C3orf70: variants seen among roughly 807,000 people sequenced by gnomAD.
C3orf70 encodes chromosome 3 open reading frame 70.
A neutral mutation model predicts 20.7 loss-of-function variants in C3orf70; 15 were observed. That is an observed-to-expected ratio of 0.72 (90% CI 0.48 to 1.11). C3orf70 has a LOEUF of 1.11. Ranked by LOEUF, C3orf70 falls within the 50% of genes most tolerant of loss-of-function variation. The pLI, the probability that C3orf70 is intolerant of heterozygous loss-of-function variation, is 0.00. For synonymous variants in C3orf70, 161 were observed against 125.7 expected, an observed-to-expected ratio of 1.28 and a Z score of -1.88; for missense variants, 332 against 317.6, an observed-to-expected ratio of 1.05 and a Z score of -0.34.
intron 1 of C3orf70, among the ~76,000 whole-genome samples, chr3:185,126,190 A>G (rs951606071): frequency 2.0e-5 from 3 of 152,234 alleles, no homozygotes; most frequent in African/African-American, 7.2e-5. Flanking sequence ...TTTTTTATAT[A>G]TAATTTCAAG....
Position 185,152,926 on chromosome 3 carries a change from G to C in C3orf70, c.-103C>G, listed in dbSNP as rs1232728306. On this transcript the variant is annotated 5_prime_UTR_variant, in exon 1 of 2. Transcript: ENST00000335012. ...TGCGGACGCGGGAGGGCGCGGCACG[G>C]GCCGGGAGTCACGCCAGCACGCGGC... The C allele has an allele frequency of 1.8e-6, 2 of 1,107,246 alleles. No homozygotes were observed. The highest frequency in any genetic ancestry group is 1.7e-5 in the African/African-American group (1 of 60,286). 68.6% of individuals were successfully genotyped at this position (1,107,246 alleles called of 1,614,324 possible).
At chr3:185,108,467 T>A (rs1013150191) in intron 1 of C3orf70, among the ~76,000 whole-genome samples, 2 of 152,236 alleles carry the variant, frequency 1.3e-5, no homozygotes, top group Non-Finnish European at 2.9e-5. Flanking sequence ...GATGACTTTA[T>A]TTACCCAATT....
intron 1 of C3orf70, among the ~76,000 whole-genome samples, chr3:185,100,918 C>A (rs1224649079): frequency 5.3e-5 from 8 of 152,064 alleles, no homozygotes; most frequent in Admixed American, 3.9e-4. Flanking sequence ...CCTCTACACA[C>A]ATAAACTAGA....
Position 185,152,959 on chromosome 3 carries a change from G to GAGA in C3orf70, c.-137_-136insTCT. The GAGA allele has an allele frequency of 1.4e-6, 1 of 726,024 alleles. No homozygotes were observed. The highest frequency in any genetic ancestry group is 5.6e-5 in the South Asian group (1 of 17,856). 45.0% of individuals were successfully genotyped at this position (726,024 alleles called of 1,614,324 possible). On this transcript the variant is annotated 5_prime_UTR_variant, in exon 1 of 2. Coordinates refer to ENST00000335012, the MANE Select transcript of C3orf70 (RefSeq NM_001025266.3). ...GTCACGCCAGCACGCGGCGGCGGCG[G>GAGA]GAGCGCGGCGGTCCCAGGCTCGAGG...
At chr3:185,089,966 C>A (rs1715531167) in intron 1 of C3orf70, among the ~76,000 whole-genome samples, 1 of 152,146 alleles carries the variant, frequency 6.6e-6, no homozygotes, top group African/African-American at 2.4e-5. Flanking sequence ...GAAACACTAA[C>A]AAAGATTTAT....
chr3:185,129,532 G>A (rs62289820), intron 1 of C3orf70, among the ~76,000 whole-genome samples: 10,619 of 152,266 alleles, frequency 0.07, 433 homozygotes, highest in South Asian at 0.1. Flanking sequence ...GTGCTGTGGT[G>A]ATCACACGAG....
chr3:185,120,870 C>T lies in C3orf70; in HGVS notation c.196+31758G>A, dbSNP rs560871858. On this transcript the variant is annotated intron_variant, in intron 1 of 1. Coordinates refer to ENST00000335012, the MANE Select transcript of C3orf70 (RefSeq NM_001025266.3). The stretch of plus-strand genomic sequence containing the variant: ...AGAACTATCATTTGATCCAGCAATC[C>T]CACTACTGGGTATATACCCAGAAGA... Among the ~76,000 whole-genome samples, 22 of 152,122 alleles carry T rather than the reference C, an allele frequency of 1.4e-4. No individual in the cohort carries two copies. The South Asian group carries it at 3.7e-3, about 26-fold the overall frequency.
intron 1 of C3orf70, among the ~76,000 whole-genome samples, chr3:185,094,875 C>T (rs1715669388): frequency 6.6e-6 from 1 of 152,118 alleles, no homozygotes; most frequent in Non-Finnish European, 1.5e-5. Flanking sequence ...TGAGATGAAG[C>T]ATGAAAACCA....
In C3orf70 at chr3:185,152,810, G is replaced by C. The variant is rs768924649; in HGVS notation, c.14C>G (p.Ala5Gly). ...CCAACCCCGCTCCGACGCCGGCGAG[G>C]CCGCCGCACTCATTTCCTCTCCCTC... MSAA[A>G]SPASERGWKS... Residue 5 changes from alanine to glycine, a missense_variant, in exon 1 of 2, where the codon GCC becomes GGC. Ala to Gly is a moderately conservative substitution (Grantham distance 60). Transcript: ENST00000335012. 83 of 1,560,472 alleles carry C rather than the reference G, an allele frequency of 5.3e-5. No homozygotes were observed. The highest frequency in any genetic ancestry group is 6.8e-5 in the Non-Finnish European group (78 of 1,151,438).
intron 1 of C3orf70, among the ~76,000 whole-genome samples, chr3:185,107,206 C>T (rs377752080): frequency 0.052 from 7,879 of 152,204 alleles, 663 homozygotes; most frequent in African/African-American, 0.18. Flanking sequence ...TTTAACATAG[C>T]TGGAGTTGGT....
Position 185,083,425 on chromosome 3 carries a change from A to G in C3orf70, c.335T>C (p.Phe112Ser), listed in dbSNP as rs753268983. Residue 112 changes from phenylalanine to serine, a missense_variant, in exon 2 of 2, where the codon TTC becomes TCC. Physicochemically the swap from Phe to Ser is radical, Grantham distance 155. Coordinates refer to ENST00000335012, the MANE Select transcript of C3orf70 (RefSeq NM_001025266.3). ...TGAGTCAGGGGGAAGGGGAGGCTGG[A>G]AGACAGATGCAAATTTCAAAAAGTG... ...TEHFLKFASV[F>S]QPPLPPDSPR... is the part of the protein sequence containing the mutation. The G allele has an allele frequency of 1.2e-6, 2 of 1,614,156 alleles. No homozygotes were observed. Among genetic ancestry groups the G allele is most frequent in the African/African-American group, 1.3e-5 (1 of 75,036 alleles).
At chr3:185,130,163 T>C (rs1577331380) in intron 1 of C3orf70, among the ~76,000 whole-genome samples, 1 of 152,166 alleles carries the variant, frequency 6.6e-6, no homozygotes, top group Non-Finnish European at 1.5e-5. Flanking sequence ...TAAAAATAAA[T>C]ATATTGGCCG....
In C3orf70 at chr3:185,147,469, G is replaced by A. The variant is rs116918610; in HGVS notation, c.196+5159C>T. Among the ~76,000 whole-genome samples, 842 of 152,254 alleles carry A rather than the reference G, an allele frequency of 5.5e-3. 44 individuals carry two copies. Among genetic ancestry groups the A allele is most frequent in the Admixed American group, 0.046 (707 of 15,292 alleles). On this transcript the variant is annotated intron_variant, in intron 1 of 1. Transcript: ENST00000335012. ...TTCTTAAAAACTTTCCCCATCATTG[G>A]CTTTAATGGAACTGAGCTCTGTTGG...
chr3:185,142,585 G>A (rs867441938), intron 1 of C3orf70, among the ~76,000 whole-genome samples: 2 of 152,198 alleles, frequency 1.3e-5, no homozygotes, highest in African/African-American at 2.4e-5. Context: ...AGTGATGCAC[G>A]CAAGGATCTT....
intron 1 of C3orf70, among the ~76,000 whole-genome samples, chr3:185,122,644 T>A (rs1003556104): frequency 6.6e-6 from 1 of 152,214 alleles, no homozygotes; most frequent in Non-Finnish European, 1.5e-5. Context: ...GATTAAGCAA[T>A]ACCTAGAAAC....
At chr3:185,137,209 T>C (rs984959032) in intron 1 of C3orf70, among the ~76,000 whole-genome samples, 1 of 152,192 alleles carries the variant, frequency 6.6e-6, no homozygotes, top group Non-Finnish European at 1.5e-5. Context: ...TCCACCGCCA[T>C]CCACGTAAGA....
chr3:185,084,838 G>A (rs987435311), intron 1 of C3orf70, among the ~76,000 whole-genome samples: 29 of 152,270 alleles, frequency 1.9e-4, no homozygotes, highest in South Asian at 1.2e-3. Flanking sequence ...GCAGGGATGG[G>A]GGCTCCTAAA....
chr3:185,117,454 A>AAGAG (rs3072374), intron 1 of C3orf70, among the ~76,000 whole-genome samples: 4,383 of 141,896 alleles, frequency 0.031, 100 homozygotes, highest in East Asian at 0.09. Flanking sequence ...CACACACAGA[A>AAGAG]AGAGAGAGAG....
At chr3:185,140,063 G>A (rs1716719369) in intron 1 of C3orf70, among the ~76,000 whole-genome samples, 1 of 152,042 alleles carries the variant, frequency 6.6e-6, no homozygotes, top group Non-Finnish European at 1.5e-5. Flanking sequence ...CATTGGATTG[G>A]TCCAGAGCCC....
Sources: gnomAD v4.1 joint callset for allele counts (sites outside exome capture counted in the v4.1 genomes callset) on GRCh38, gnomAD v4.1.1 for gene constraint, MANE v1.5 for transcripts, NCBI Gene and HGNC (gene_info 2026-07-23, HGNC 2026-07-21) for gene names.